ADAM18: variants seen among roughly 807,000 people sequenced by gnomAD.
ADAM18 encodes the protein disintegrin and metalloproteinase domain-containing protein 18.
ADAM18 carries 117 observed loss-of-function variants against 94.4 expected under a neutral mutation model. The ratio of observed to expected loss-of-function variants is 1.24; its 90% confidence interval spans 1.07 to 1.45. ADAM18 has a LOEUF of 1.45. ADAM18 is among the 40% of genes most tolerant of loss of function. The probability of loss-of-function intolerance (pLI) is 0.00; values close to 1 mark genes in which losing one functional copy is unlikely to be tolerated. For missense variants in ADAM18, 936 were observed against 880.0 expected, an observed-to-expected ratio of 1.06 and a Z score of -0.81; for synonymous variants, 327 against 291.6, an observed-to-expected ratio of 1.12 and a Z score of -1.24.
rs139405145 is a variant in ADAM18, at chr8:39,689,469, G to A, written c.1822-3131G>A. 3.9e-5 allele frequency among the ~76,000 whole-genome samples: 6 copies of A among 152,202 alleles called. No homozygotes were observed. In the East Asian group the frequency reaches 1.2e-3, roughly 29 times the overall value. ...ATAGAATATCCTTTGCCCATTGCTTGTTTTTGTCAGGTTTGTCAAAGATTA... is the reference window on the plus strand; with the variant it reads ...ATAGAATATCCTTTGCCCATTGCTTATTTTTGTCAGGTTTGTCAAAGATTA... On this transcript the variant is annotated intron_variant, in intron 16 of 19. Coordinates refer to ENST00000265707, the MANE Select transcript of ADAM18 (RefSeq NM_014237.3).
At chr8:39,603,775 A>G (rs930954685) in intron 2 of ADAM18, among the ~76,000 whole-genome samples, 86 of 152,226 alleles carry the variant, frequency 5.6e-4, no homozygotes, top group African/African-American at 2.0e-3. Flanking sequence ...GTTTTTAACT[A>G]TTAATATTTC....
intron 2 of ADAM18, among the ~76,000 whole-genome samples, chr8:39,589,071 G>A (rs28553358): frequency 0.032 from 4,838 of 152,128 alleles, 283 homozygotes; most frequent in African/African-American, 0.11. Context: ...GGCTTGGGAG[G>A]GCTTACATTT....
intron 7 of ADAM18, among the ~76,000 whole-genome samples, chr8:39,635,290 A>G (rs1356209545): frequency 6.6e-6 from 1 of 152,206 alleles, no homozygotes; most frequent in Non-Finnish European, 1.5e-5. Flanking sequence ...AAATGATCTA[A>G]ATTATCAAAT....
chr8:39,608,216 C>G (rs1819150001), intron 3 of ADAM18, among the ~76,000 whole-genome samples: 1 of 151,884 alleles, frequency 6.6e-6, no homozygotes, highest in Non-Finnish European at 1.5e-5. Context: ...AAAATATATC[C>G]AGAATTAGAC....
chr8:39,647,942 C>T (rs1820429829), intron 11 of ADAM18, among the ~76,000 whole-genome samples: 1 of 152,140 alleles, frequency 6.6e-6, no homozygotes, highest in South Asian at 2.1e-4. Context: ...CTTATGTCTT[C>T]TCTTTCTACA....
chr8:39,685,041 A>C (rs949544117), intron 16 of ADAM18: 8 of 152,238 alleles, frequency 5.3e-5, no homozygotes, highest in African/African-American at 1.9e-4. Flanking sequence ...GGAATTACTT[A>C]TTCAGGGAGC....
At position 39,615,902 on chromosome 8, in the gene ADAM18, G is replaced by A. The variant is rs115543641; in HGVS notation, c.522+5196G>A. ...AATGTAAAAAAAATAAGTAGCACTTGTATAAGCTAATAACAACCAAACTGA... is the reference window on the plus strand; with the variant it reads ...AATGTAAAAAAAATAAGTAGCACTTATATAAGCTAATAACAACCAAACTGA... On this transcript the variant is annotated intron_variant, in intron 6 of 19. Transcript: ENST00000265707. Among the ~76,000 whole-genome samples the A allele has an allele frequency of 4.3e-3, 657 of 152,234 alleles. 2 individuals carry two copies. Among genetic ancestry groups the A allele is most frequent in the African/African-American group, 0.015 (625 of 41,558 alleles).
rs532265518 is a variant in ADAM18 at position 39,609,843 on chromosome 8, T to C, written c.344+282T>C. Among the ~76,000 whole-genome samples, 10 of 152,280 alleles carry C rather than the reference T, an allele frequency of 6.6e-5. 1 individual carries two copies. In the South Asian group the frequency reaches 2.1e-3, roughly 32 times the overall value. On this transcript the variant is annotated intron_variant, in intron 5 of 19. Transcript: ENST00000265707. ...TGATTGTTGCATTCTGCATCTGTTT[T>C]CTCAAATAGTTATGGAAAATGGCAT...
chr8:39,720,706 A>G (rs1822721054), intron 18 of ADAM18, among the ~76,000 whole-genome samples: 1 of 151,410 alleles, frequency 6.6e-6, no homozygotes, highest in African/African-American at 2.4e-5. Flanking sequence ...TTCATTTTAT[A>G]TGAGGAATAA....
At chr8:39,682,274 A>G (rs897381202) in intron 16 of ADAM18, among the ~76,000 whole-genome samples, 6 of 152,218 alleles carry the variant, frequency 3.9e-5, no homozygotes, top group African/African-American at 1.4e-4. Context: ...AAAACGGTTC[A>G]TTTCAAAGAT....
At position 39,609,104 on chromosome 8, in the gene ADAM18, T is replaced by C. The variant is rs1463751061; in HGVS notation, c.251T>C (p.Val84Ala). The C allele has an allele frequency of 5.7e-6, 9 of 1,589,094 alleles. No homozygotes were observed. Among genetic ancestry groups the C allele is most frequent in the Non-Finnish European group, 7.7e-6 (9 of 1,165,842 alleles). Residue 84 changes from valine (V) to alanine (A), a missense_variant, in exon 4 of 20, where the codon GTG becomes GCG. By Grantham distance (64) the Val-to-Ala change is moderately conservative (BLOSUM62 0). Coordinates refer to ENST00000265707, the MANE Select transcript of ADAM18 (RefSeq NM_014237.3). The stretch of plus-strand genomic sequence containing the variant: ...AATGAAACTGGATCTTTGCATTCTG[T>C]GTCTCCATATTTTATGGTAAAGTAA... ...TYNETGSLHS[V>A]SPYFMMHCHY...
intron 7 of ADAM18, 85 bp downstream of exon 7, chr8:39,629,524 T>A: frequency 1.1e-6 from 1 of 874,866 alleles, no homozygotes; most frequent in Non-Finnish European, 1.8e-6. Flanking sequence ...CCTGTCTTCT[T>A]CCTTTTCTCT....
intron 6 of ADAM18, among the ~76,000 whole-genome samples, chr8:39,619,304 C>T (rs894177935): frequency 6.6e-5 from 10 of 152,084 alleles, no homozygotes; most frequent in African/African-American, 2.4e-4. Context: ...TAACTCTACT[C>T]AAGATAAAAG....
intron 13 of ADAM18, among the ~76,000 whole-genome samples, chr8:39,667,647 G>A (rs1258429636): frequency 6.6e-6 from 1 of 152,160 alleles, no homozygotes; most frequent in African/African-American, 2.4e-5. Context: ...TCTGGCTCCT[G>A]AGTTTCTCCA....
intron 16 of ADAM18, among the ~76,000 whole-genome samples, chr8:39,691,937 ATGTTTAGTAT>A (rs995127516): frequency 1.1e-4 from 16 of 152,032 alleles, no homozygotes; most frequent in African/African-American, 3.6e-4. Flanking sequence ...ATTTTTATTC[ATGTTTAGTAT>A]TGTTATGTTG....
rs1221649126 is a variant in ADAM18 at position 39,648,542 on chromosome 8, T to C, written c.1230+15T>C. 7 of 1,581,116 alleles carry C rather than the reference T, an allele frequency of 4.4e-6. No homozygotes were observed. Among genetic ancestry groups the C allele is most frequent in the East Asian group, 4.5e-5 (2 of 44,294 alleles). On this transcript the variant is annotated intron_variant, in intron 12 of 19. Coordinates refer to ENST00000265707, the MANE Select transcript of ADAM18 (RefSeq NM_014237.3). ...GTAATAAAAATGTGAGTAACAAAGA[T>C]TGAAACTCGAGCACAATTTTTATGT...
intron 17 of ADAM18, among the ~76,000 whole-genome samples, chr8:39,693,539 A>G (rs1288655409): frequency 1.3e-5 from 2 of 151,212 alleles, no homozygotes; most frequent in African/African-American, 4.8e-5. Flanking sequence ...CGTTTTTTGT[A>G]TAACTTTATA....
intron 16 of ADAM18, among the ~76,000 whole-genome samples, chr8:39,683,690 C>T (rs1280526731): frequency 6.6e-6 from 1 of 152,178 alleles, no homozygotes; most frequent in Non-Finnish European, 1.5e-5. Context: ...TATATGTCAT[C>T]AGTGTATCCT....
intron 16 of ADAM18, among the ~76,000 whole-genome samples, chr8:39,688,198 A>AT (rs1158482289): frequency 6.6e-6 from 1 of 152,080 alleles, no homozygotes; most frequent in Non-Finnish European, 1.5e-5. Flanking sequence ...GTCTCTAATG[A>AT]TTAGTGATGA....
Sources: allele counts gnomAD v4.1 joint callset (sites outside exome capture counted in the v4.1 genomes callset), GRCh38; gene constraint gnomAD v4.1.1; transcripts MANE v1.5; gene names NCBI Gene and HGNC (gene_info 2026-07-23, HGNC 2026-07-21).